Variants in LEPR observed in about 807,000 individuals in gnomAD.
The protein encoded by LEPR is leptin receptor, also known as OB receptor.
Under a neutral mutation model 114.7 loss-of-function variants are expected in LEPR, and 56 were observed. The observed-to-expected ratio is 0.49, with a 90% CI of 0.39 to 0.61. The LOEUF (loss-of-function observed/expected upper bound fraction) is 0.61, where lower values mean the gene tolerates loss of function less well. Among genes scored for constraint, LEPR ranks in the 20% least tolerant of loss-of-function variants. The pLI, the probability that LEPR is intolerant of heterozygous loss-of-function variation, is 0.00. For synonymous variants in LEPR, 443 were observed against 461.4 expected (o/e 0.96, Z 0.51); for missense variants, 1,202 against 1,352.9 (o/e 0.89, Z 1.75).
chr1:65,501,523 T>A (rs1342113496), intron 2 of LEPR, among the ~76,000 whole-genome samples: 1 of 151,720 alleles, frequency 6.6e-6, no homozygotes, highest in Non-Finnish European at 1.5e-5. Flanking sequence ...TAATCAACAA[T>A]GACCTCTCAT....
At chr1:65,608,379 C>T (rs543123079) in intron 11 of LEPR, among the ~76,000 whole-genome samples, 8 of 151,990 alleles carry the variant, frequency 5.3e-5, no homozygotes, top group South Asian at 4.2e-4. Context: ...TACAGGCGCC[C>T]GCCACCACGC....
intron 2 of LEPR, among the ~76,000 whole-genome samples, chr1:65,485,087 T>G (rs1031851570): frequency 6.6e-6 from 1 of 152,146 alleles, no homozygotes; most frequent in Non-Finnish European, 1.5e-5. Flanking sequence ...GGGTTTAAAT[T>G]ATTGGTTGAA....
intron 14 of LEPR, among the ~76,000 whole-genome samples, chr1:65,612,793 G>A (rs1020195130): frequency 6.6e-6 from 1 of 152,170 alleles, no homozygotes; most frequent in South Asian, 2.1e-4. Context: ...AGGGTTATGG[G>A]TTTGGGGGAG....
In LEPR at chr1:65,565,756, G is replaced by A. The variant is rs1399408479; in HGVS notation, c.40+151G>A. ...CTTATGATTAAAAATGCAAACCATA[G>A]TATAGGTGTATCAGTGTGAAAACGA... is the stretch of plus-strand genomic sequence containing the variant. On this transcript the variant is annotated intron_variant, in intron 3 of 19. Transcript: ENST00000349533. 9 of 1,069,976 alleles carry A rather than the reference G, an allele frequency of 8.4e-6. No homozygotes were observed. In the Admixed American group the frequency reaches 1.1e-4, roughly 13 times the overall value. The allele number at this position is 1,069,976 out of a possible 1,614,324, so 66.3% of individuals were successfully genotyped here.
chr1:65,483,530 C>T (rs922469102), intron 2 of LEPR, among the ~76,000 whole-genome samples: 1 of 152,118 alleles, frequency 6.6e-6, no homozygotes. Context: ...TGTGTGGCAT[C>T]AGCCTGTGAA....
intron 5 of LEPR, chr1:65,576,600 C>A (rs1654602535): frequency 1.3e-5 from 2 of 155,806 alleles, no homozygotes; most frequent in African/African-American, 4.9e-5. Flanking sequence ...AAATATTACC[C>A]AAATACCATT....
Position 65,556,230 on chromosome 1 carries a change from G to C in LEPR, c.-20-9316G>C, listed in dbSNP as rs139239823. Among the ~76,000 whole-genome samples the C allele has an allele frequency of 5.9e-3, 892 of 152,186 alleles. 8 individuals are homozygous for C. The highest frequency in any genetic ancestry group is 0.021 in the African/African-American group (857 of 41,502). ...TTGAATCTGCTGGCATGTTGATCTT[G>C]GACTTTCCAGCCTCCAGAATTGTGA... On this transcript the variant is annotated intron_variant, in intron 2 of 19. Transcript: ENST00000349533.
At chr1:65,495,856 T>G (rs1375819317) in intron 2 of LEPR, among the ~76,000 whole-genome samples, 1 of 152,100 alleles carries the variant, frequency 6.6e-6, no homozygotes, top group African/African-American at 2.4e-5. Flanking sequence ...AAAGTTGATC[T>G]CATAGAATTA....
At chr1:65,441,485 A>G (rs922241123) in intron 2 of LEPR, among the ~76,000 whole-genome samples, 4 of 152,238 alleles carry the variant, frequency 2.6e-5, no homozygotes, top group African/African-American at 9.7e-5. Context: ...CCTTTAATTC[A>G]TATAGTGGAG....
intron 2 of LEPR, among the ~76,000 whole-genome samples, chr1:65,471,455 A>G (rs991999074): frequency 3.9e-5 from 6 of 152,248 alleles, no homozygotes; most frequent in African/African-American, 1.4e-4. Context: ...TGATAACATT[A>G]TAGTCCCAGA....
chr1:65,568,984 G>A (rs963559227), intron 3 of LEPR, among the ~76,000 whole-genome samples: 1 of 152,014 alleles, frequency 6.6e-6, no homozygotes, highest in African/African-American at 2.4e-5. Flanking sequence ...TTTGAGAAAT[G>A]TCTTCATTTC....
intron 19 of LEPR, chr1:65,626,177 C>A (rs781742788): frequency 1.4e-5 from 23 of 1,611,040 alleles, no homozygotes; most frequent in Middle Eastern, 1.6e-4. Context: ...TTAGGAAATG[C>A]TTGTAGACTA....
At chr1:65,474,436 G>A (rs1251629941) in intron 2 of LEPR, among the ~76,000 whole-genome samples, 2 of 152,148 alleles carry the variant, frequency 1.3e-5, no homozygotes, top group Non-Finnish European at 2.9e-5. Context: ...AAGGACATGT[G>A]TTCTTATAAT....
intron 2 of LEPR, chr1:65,434,266 A>G: frequency 4.1e-6 from 4 of 982,910 alleles, no homozygotes; most frequent in Non-Finnish European, 4.8e-6. Context: ...TATATAATAC[A>G]AAAGTTTGAT....
chr1:65,606,361 A>G (rs766559633), intron 11 of LEPR, among the ~76,000 whole-genome samples: 1 of 152,202 alleles, frequency 6.6e-6, no homozygotes, highest in Non-Finnish European at 1.5e-5. Flanking sequence ...ATTCAGTAAC[A>G]TATGTTACTT....
intron 2 of LEPR, among the ~76,000 whole-genome samples, chr1:65,537,438 T>G (rs978833088): frequency 3.3e-5 from 5 of 152,214 alleles, no homozygotes; most frequent in Non-Finnish European, 7.4e-5. Flanking sequence ...AGGGCTAAAT[T>G]GTATGTTTAT....
At chr1:65,530,614 G>A (rs1037812731) in intron 2 of LEPR, among the ~76,000 whole-genome samples, 12 of 152,162 alleles carry the variant, frequency 7.9e-5, no homozygotes, top group African/African-American at 2.9e-4. Flanking sequence ...CATGGCGCTG[G>A]TGGGAGTGTA....
chr1:65,493,580 T>G (rs1647991211), intron 2 of LEPR, among the ~76,000 whole-genome samples: 1 of 152,150 alleles, frequency 6.6e-6, no homozygotes, highest in Non-Finnish European at 1.5e-5. Flanking sequence ...AACATAAAAT[T>G]TACCATCTTA....
At chr1:65,568,335 T>G (rs1287598694) in intron 3 of LEPR, among the ~76,000 whole-genome samples, 29 of 152,330 alleles carry the variant, frequency 1.9e-4, no homozygotes, top group Non-Finnish European at 1.2e-4. Context: ...ATCACCTGAA[T>G]AGTGAACTTT....
Sources: allele counts gnomAD v4.1 joint callset (sites outside exome capture counted in the v4.1 genomes callset), GRCh38; gene constraint gnomAD v4.1.1; transcripts MANE v1.5; gene names NCBI Gene and HGNC (gene_info 2026-07-23, HGNC 2026-07-21).